TMEM106C: variants seen among roughly 807,000 people sequenced by gnomAD.
TMEM106C encodes the protein endoplasmic reticulum membrane protein overexpressed in cancer.
Under a neutral mutation model 30.8 loss-of-function variants are expected in TMEM106C, and 27 were observed. That is an observed-to-expected ratio of 0.88 (90% CI 0.65 to 1.21). TMEM106C has a LOEUF of 1.21. Ranked by LOEUF, TMEM106C falls within the 50% of genes most tolerant of loss-of-function variation. The pLI is 0.00. For missense variants in TMEM106C, 288 were observed against 307.8 expected (o/e 0.94, Z 0.48); for synonymous variants, 123 against 118.8 (o/e 1.04, Z -0.23).
chr12:47,967,542 A>G lies in TMEM106C; in HGVS notation c.656+281A>G, dbSNP rs1227809073. On this transcript the variant is annotated intron_variant, in intron 7 of 7. Transcript: ENST00000429772. ...CCCTCAGAATCCTAATGAGACAGTC[A>G]TGAACAGAAAAGCTTTCTCAAGATG... Among the ~76,000 whole-genome samples the G allele has an allele frequency of 3.9e-5, 6 of 152,348 alleles. No homozygotes were observed. The East Asian group carries it at 5.8e-4, about 15-fold the overall frequency.
chr12:47,964,352 C>G lies in TMEM106C; in HGVS notation c.116C>G (p.Pro39Arg). The change falls in exon 2 of 8, where the codon CCA (proline) becomes CGA (arginine). Residue 39 changes from proline to arginine, a missense_variant. Pro to Arg is a moderately radical substitution (Grantham distance 103). Coordinates refer to ENST00000429772, the MANE Select transcript of TMEM106C (RefSeq NM_001143842.2). Reference protein sequence around the residue: ...REQEEAIAQFPYVEFTGRDSI... With the variant: ...REQEEAIAQFRYVEFTGRDSI... ...CAGGAAGAAGCCATTGCTCAGTTCCCATATGTGGAATTCACCGGGAGAGAT... is the reference window on the plus strand; with the variant it reads ...CAGGAAGAAGCCATTGCTCAGTTCCGATATGTGGAATTCACCGGGAGAGAT... The G allele has an allele frequency of 6.2e-7, 1 of 1,614,158 alleles. No individual in the cohort carries two copies. The highest frequency in any genetic ancestry group is 8.5e-7 in the Non-Finnish European group (1 of 1,180,022).
chr12:47,966,837 A>C (rs2286024), intron 6 of TMEM106C, 105 bp downstream of exon 6: 1 of 1,248,968 alleles, frequency 8.0e-7, no homozygotes, highest in Non-Finnish European at 1.2e-6. Flanking sequence ...TCAGCTTTTG[A>C]CTTATAGGTT....
At chr12:47,968,001 A>G (rs1938297151) in intron 7 of TMEM106C, 132 bp from the exon 8 acceptor site, 1 of 634,832 alleles carries the variant, frequency 1.6e-6, no homozygotes, top group Non-Finnish European at 2.8e-6. Context: ...TCCTGGTTAC[A>G]TAACCATGAG....
chr12:47,964,142 T>C lies in TMEM106C; in HGVS notation c.-28-67T>C, dbSNP rs1371066201. Reference sequence around the variant, plus strand: ...CATTTTTGCGTTTTTAATTTTCTTATAGAAACAAGCGATTTCTGTCGTGAT... The same window carrying C: ...CATTTTTGCGTTTTTAATTTTCTTACAGAAACAAGCGATTTCTGTCGTGAT... On this transcript the variant is annotated intron_variant, in intron 1 of 7. Coordinates refer to ENST00000429772, the MANE Select transcript of TMEM106C (RefSeq NM_001143842.2). The C allele has an allele frequency of 1.6e-5, 22 of 1,406,822 alleles. No individual in the cohort carries two copies. The East Asian group carries it at 2.5e-4, about 16-fold the overall frequency. 87.1% of individuals were successfully genotyped at this position (1,406,822 alleles called of 1,614,324 possible). A position where few individuals can be genotyped will look rare whatever the true frequency, so the allele number is the denominator to read the frequency against.
chr12:47,964,707 C>T, intron 2 of TMEM106C: 1 of 434,282 alleles, frequency 2.3e-6, no homozygotes, highest in South Asian at 2.4e-5. Flanking sequence ...AGGCACATTT[C>T]TTTATCGCTG....
intron 5 of TMEM106C, 106 bp from the exon 6 acceptor site, chr12:47,966,577 T>C: frequency 8.0e-7 from 1 of 1,246,820 alleles, no homozygotes; most frequent in South Asian, 1.2e-5. Flanking sequence ...GGGAAGTATT[T>C]TGCATGTGAT....
At chr12:47,966,304 T>A (rs1565658665) in intron 5 of TMEM106C, 75 bp downstream of exon 5, 1 of 1,538,090 alleles carries the variant, frequency 6.5e-7, no homozygotes, top group East Asian at 2.3e-5. Context: ...GCCATAGCTG[T>A]GTCACTTTCC....
In TMEM106C at chr12:47,965,341, C is replaced by A; in HGVS notation, c.247C>A (p.Arg83=). Residue 83 remains arginine (R), a synonymous_variant, in exon 3 of 8, where the codon CGA becomes AGA. Coordinates refer to ENST00000429772, the MANE Select transcript of TMEM106C (RefSeq NM_001143842.2). ...PHSDQRLRPQ[R]TKQYVLLSIL... is the part of the protein sequence containing the mutation. ...CAGTGATCAGAGATTGCGCCCTCAG[C>A]GAACGTGAGTTACCTGCTTCTCACC... 6.2e-7 allele frequency: 1 copy of A among 1,613,860 alleles called. No individual in the cohort carries two copies. Among genetic ancestry groups the A allele is most frequent in the Non-Finnish European group, 8.5e-7 (1 of 1,179,782 alleles).
chr12:47,967,174 A>C, intron 6 of TMEM106C, 34 bp from the exon 7 acceptor site: 1 of 1,612,556 alleles, frequency 6.2e-7, no homozygotes, highest in Non-Finnish European at 8.5e-7. Flanking sequence ...TAAAAAAAAA[A>C]AAACTGACTA....
chr12:47,967,028 G>A, intron 6 of TMEM106C, 180 bp from the exon 7 acceptor site: 1 of 708,734 alleles, frequency 1.4e-6, no homozygotes, highest in South Asian at 1.7e-5. Context: ...ACAGAAAGTG[G>A]TATGACGCTG....
At position 47,967,454 on chromosome 12, in the gene TMEM106C, G is replaced by T. The variant is rs541626485; in HGVS notation, c.656+193G>T. ...TCCACATGCCCTTCACAAATCACCA[G>T]TCACCCTGAGCAGTCAAACATTTTC... On this transcript the variant is annotated intron_variant, in intron 7 of 7. Coordinates refer to ENST00000429772, the MANE Select transcript of TMEM106C (RefSeq NM_001143842.2). 7.9e-5 allele frequency among the ~76,000 whole-genome samples: 12 copies of T among 152,318 alleles called. No individual in the cohort carries two copies. The East Asian group carries it at 2.3e-3, about 29-fold the overall frequency.
Position 47,967,268 on chromosome 12 carries a change from C to T in TMEM106C, c.656+7C>T, listed in dbSNP as rs1222777695. The T allele has an allele frequency of 6.2e-7, 1 of 1,614,048 alleles. No individual in the cohort carries two copies. The highest frequency in any genetic ancestry group is 8.5e-7 in the Non-Finnish European group (1 of 1,180,030). ...ACATAGTGATCTTCATGCGGTGCGTCTCTCTTCCCTATCCCGATGGCCTGT... is the reference window on the plus strand; with the variant it reads ...ACATAGTGATCTTCATGCGGTGCGTTTCTCTTCCCTATCCCGATGGCCTGT... On this transcript the variant is annotated splice_region_variant and intron_variant, in intron 7 of 7. Coordinates refer to ENST00000429772, the MANE Select transcript of TMEM106C (RefSeq NM_001143842.2).
In TMEM106C at chr12:47,964,354, T is replaced by C; in HGVS notation, c.118T>C (p.Tyr40His). The C allele has an allele frequency of 6.2e-7, 1 of 1,614,128 alleles. No individual in the cohort carries two copies. Among genetic ancestry groups the C allele is most frequent in the Non-Finnish European group, 8.5e-7 (1 of 1,180,016 alleles). ...GGAAGAAGCCATTGCTCAGTTCCCA[T>C]ATGTGGAATTCACCGGGAGAGATAG... ...EQEEAIAQFP[Y>H]VEFTGRDSIT... Residue 40 changes from tyrosine to histidine, a missense_variant, in exon 2 of 8, where the codon TAT (tyrosine) becomes CAT (histidine). By Grantham distance (83) the Tyr-to-His change is moderately conservative. Coordinates refer to ENST00000429772, the MANE Select transcript of TMEM106C (RefSeq NM_001143842.2).
Position 47,965,332 on chromosome 12 carries a change from C to T in TMEM106C, c.238C>T (p.Arg80Cys), listed in dbSNP as rs146483924. 116 of 1,613,812 alleles carry T rather than the reference C, an allele frequency of 7.2e-5. No individual in the cohort carries two copies. Among genetic ancestry groups the T allele is most frequent in the Middle Eastern group, 6.6e-4 (4 of 6,082 alleles). Residue 80 changes from arginine (R) to cysteine (C), a missense_variant, in exon 3 of 8, where the codon CGC becomes TGC. Arg to Cys is a radical substitution (Grantham distance 180). Transcript: ENST00000429772. Reference sequence around the variant, plus strand: ...GATCCCACACAGTGATCAGAGATTGCGCCCTCAGCGAACGTGAGTTACCTG... The same window carrying T: ...GATCCCACACAGTGATCAGAGATTGTGCCCTCAGCGAACGTGAGTTACCTG... Reference protein sequence around the residue: ...ALIPHSDQRLRPQRTKQYVLL... With the variant: ...ALIPHSDQRLCPQRTKQYVLL...
intron 7 of TMEM106C, 74 bp from the exon 8 acceptor site, chr12:47,968,059 A>T: frequency 1.5e-6 from 2 of 1,313,872 alleles, no homozygotes; most frequent in Non-Finnish European, 2.2e-6. Context: ...CTTGCAAAAA[A>T]TTTCCTGGGA....
rs2136478168 is a variant in TMEM106C at position 47,964,283 on chromosome 12, G to A, written c.47G>A (p.Arg16Gln). The A allele has an allele frequency of 1.2e-6, 2 of 1,614,008 alleles. No homozygotes were observed. The highest frequency in any genetic ancestry group is 1.7e-6 in the Non-Finnish European group (2 of 1,179,966). ...SAAARPSSCR[R>Q]KQEDDRDGLL... is the part of the protein sequence containing the mutation. ...GCTGCTCGCCCCTCCTCCTGCAGGC[G>A]AAAGCAAGAAGATGACAGGGACGGT... The change falls in exon 2 of 8, where the codon CGA becomes CAA. Residue 16 changes from arginine (R) to glutamine (Q), a missense_variant. Physicochemically the swap from Arg to Gln is conservative, Grantham distance 43. Transcript: ENST00000429772.
intron 2 of TMEM106C, 141 bp downstream of exon 2, chr12:47,964,564 A>G: frequency 1.4e-6 from 1 of 726,738 alleles, no homozygotes; most frequent in Non-Finnish European, 2.3e-6. Flanking sequence ...AACTGACTTA[A>G]TACACTTGGG....
intron 7 of TMEM106C, 120 bp downstream of exon 7, chr12:47,967,381 C>T (rs1264201997): frequency 2.1e-6 from 2 of 941,162 alleles, no homozygotes; most frequent in African/African-American, 1.6e-5. Flanking sequence ...CACCCTGTGC[C>T]TCACAGGCAC....
chr12:47,967,119 AC>A, intron 6 of TMEM106C, 88 bp from the exon 7 acceptor site: 1 of 1,355,352 alleles, frequency 7.4e-7, no homozygotes, highest in Admixed American at 1.7e-5. Context: ...GGAGGGGGGC[AC>A]CCCAAACAGG....
Sources: allele counts gnomAD v4.1 joint callset (sites outside exome capture counted in the v4.1 genomes callset), GRCh38; gene constraint gnomAD v4.1.1; transcripts MANE v1.5; gene names NCBI Gene and HGNC (gene_info 2026-07-23, HGNC 2026-07-21).